Variants in PTPRK observed in about 807,000 individuals in gnomAD.
PTPRK encodes the protein receptor-type tyrosine-protein phosphatase kappa.
A neutral mutation model predicts 178.0 loss-of-function variants in PTPRK; 75 were observed. That is an observed-to-expected ratio of 0.42 (90% CI 0.35 to 0.51). The LOEUF (loss-of-function observed/expected upper bound fraction) is 0.51, where lower values mean the gene tolerates loss of function less well. PTPRK is among the 20% of genes least tolerant of loss of function. The pLI, the probability that PTPRK is intolerant of heterozygous loss-of-function variation, is 0.02. For synonymous variants in PTPRK, 637 were observed against 620.6 expected, an observed-to-expected ratio of 1.03 and a Z score of -0.39; for missense variants, 1,441 against 1,797.8, an observed-to-expected ratio of 0.80 and a Z score of 3.59.
At chr6:128,340,665 C>G (rs1831543031) in intron 2 of PTPRK, 1 of 330,044 alleles carries the variant, frequency 3.0e-6, no homozygotes, top group Admixed American at 4.6e-5. Flanking sequence ...AAAATCAATA[C>G]AGTTTAAATT....
chr6:128,154,032 T>C (rs1249018151), intron 7 of PTPRK, among the ~76,000 whole-genome samples: 2 of 151,762 alleles, frequency 1.3e-5, no homozygotes, highest in Admixed American at 1.3e-4. Context: ...AGCTAAGAAT[T>C]GATTTCTGAT....
At chr6:128,431,707 G>C (rs945818405) in intron 1 of PTPRK, among the ~76,000 whole-genome samples, 2 of 152,092 alleles carry the variant, frequency 1.3e-5, no homozygotes, top group African/African-American at 4.8e-5. Flanking sequence ...ATGAAGCAAT[G>C]GTCTTTTACA....
intron 2 of PTPRK, among the ~76,000 whole-genome samples, chr6:128,393,744 A>T (rs1027119632): frequency 2.0e-5 from 3 of 152,160 alleles, no homozygotes; most frequent in Non-Finnish European, 4.4e-5. Context: ...CCATTTGAGG[A>T]TATCTATTTT....
intron 3 of PTPRK, among the ~76,000 whole-genome samples, chr6:128,266,640 A>G (rs535205927): frequency 4.6e-4 from 70 of 152,202 alleles, no homozygotes; most frequent in Admixed American, 3.8e-3. Context: ...TAACACCAAC[A>G]TGGAAGGCAA....
At chr6:128,350,461 G>A (rs903771334) in intron 2 of PTPRK, among the ~76,000 whole-genome samples, 1 of 152,100 alleles carries the variant, frequency 6.6e-6, no homozygotes, top group Non-Finnish European at 1.5e-5. Context: ...ACAGAAGGTA[G>A]AGGCAGTGCA....
chr6:128,456,466 A>G (rs1186613596), intron 1 of PTPRK, among the ~76,000 whole-genome samples: 1 of 152,150 alleles, frequency 6.6e-6, no homozygotes, highest in Non-Finnish European at 1.5e-5. Flanking sequence ...AAACCATATC[A>G]GGAGTATCTA....
At chr6:128,333,389 G>C (rs1830514840) in intron 2 of PTPRK, among the ~76,000 whole-genome samples, 1 of 152,056 alleles carries the variant, frequency 6.6e-6, no homozygotes, top group Non-Finnish European at 1.5e-5. Flanking sequence ...CATTATTTCT[G>C]AAGGTACCAA....
chr6:128,179,408 T>C (rs1285310613), intron 7 of PTPRK, among the ~76,000 whole-genome samples: 1 of 152,004 alleles, frequency 6.6e-6, no homozygotes. Flanking sequence ...TATTCTTACA[T>C]TCCCAAGAAA....
At chr6:128,237,581 G>A (rs527346666) in intron 5 of PTPRK, among the ~76,000 whole-genome samples, 1 of 152,288 alleles carries the variant, frequency 6.6e-6, no homozygotes, top group South Asian at 2.1e-4. Context: ...AGGGATTTTA[G>A]TGTCTATTCA....
intron 3 of PTPRK, among the ~76,000 whole-genome samples, chr6:128,284,379 A>G (rs1240866784): frequency 6.6e-6 from 1 of 152,196 alleles, no homozygotes; most frequent in Non-Finnish European, 1.5e-5. Context: ...ATCAGGGCAC[A>G]TATCCTGGAC....
At chr6:128,152,864 C>T (rs977344892) in intron 7 of PTPRK, among the ~76,000 whole-genome samples, 7 of 151,872 alleles carry the variant, frequency 4.6e-5, no homozygotes, top group Non-Finnish European at 7.4e-5. Flanking sequence ...GAGCAACTTG[C>T]GGAAGAAGAG....
chr6:128,462,108 T>C (rs1849125300), intron 1 of PTPRK, among the ~76,000 whole-genome samples: 3 of 151,876 alleles, frequency 2.0e-5, no homozygotes, highest in Admixed American at 2.0e-4. Context: ...AGGCTATAGG[T>C]GTGGGCCACT....
At chr6:128,072,224 C>T (rs1782953564) in intron 11 of PTPRK, among the ~76,000 whole-genome samples, 1 of 151,924 alleles carries the variant, frequency 6.6e-6, no homozygotes, top group South Asian at 2.1e-4. Flanking sequence ...ATTCAATACA[C>T]AAAATGTGAC....
intron 1 of PTPRK, among the ~76,000 whole-genome samples, chr6:128,449,609 T>C (rs1042338903): frequency 6.6e-6 from 1 of 152,190 alleles, no homozygotes; most frequent in Non-Finnish European, 1.5e-5. Context: ...ACAATGATTT[T>C]TTTTTCCCAA....
At chr6:128,381,252 T>C (rs777535537) in intron 2 of PTPRK, among the ~76,000 whole-genome samples, 7 of 152,180 alleles carry the variant, frequency 4.6e-5, no homozygotes, top group East Asian at 3.8e-4. Flanking sequence ...AATAACTACA[T>C]AAAAACAGTC....
intron 5 of PTPRK, among the ~76,000 whole-genome samples, chr6:128,237,707 T>A (rs770650824): frequency 2.0e-5 from 3 of 152,206 alleles, no homozygotes; most frequent in Non-Finnish European, 2.9e-5. Flanking sequence ...AAGTTAGAAT[T>A]CAGAACTGAG....
intron 6 of PTPRK, among the ~76,000 whole-genome samples, chr6:128,209,270 T>C (rs1482158703): frequency 6.6e-6 from 1 of 152,192 alleles, no homozygotes; most frequent in Non-Finnish European, 1.5e-5. Context: ...AATGCATTTA[T>C]ATTTCTTAGT....
intron 2 of PTPRK, among the ~76,000 whole-genome samples, chr6:128,338,535 T>G (rs985179447): frequency 6.6e-6 from 1 of 152,118 alleles, no homozygotes; most frequent in Admixed American, 6.5e-5. Flanking sequence ...CAGAAAAAAG[T>G]ATTAAAGAAC....
chr6:128,002,819 G>A (rs1777992344), intron 15 of PTPRK, among the ~76,000 whole-genome samples: 1 of 151,820 alleles, frequency 6.6e-6, no homozygotes, highest in Non-Finnish European at 1.5e-5. Context: ...GGAGGATTTA[G>A]AAACATCCCT....
Sources: allele counts gnomAD v4.1 joint callset (sites outside exome capture counted in the v4.1 genomes callset), GRCh38; gene constraint gnomAD v4.1.1; transcripts MANE v1.5; gene names NCBI Gene and HGNC (gene_info 2026-07-23, HGNC 2026-07-21).